USP28: variants seen among roughly 807,000 people sequenced by gnomAD.
USP28 encodes the protein ubiquitin carboxyl-terminal hydrolase 28.
USP28 carries 113 observed loss-of-function variants against 145.0 expected under a neutral mutation model. That is an observed-to-expected ratio of 0.78 (90% CI 0.67 to 0.91). The LOEUF is 0.91. Ranked by LOEUF, USP28 falls within the 40% of genes least tolerant of loss-of-function variation. The pLI is 0.00. For missense variants in USP28, 1,201 were observed against 1,289.6 expected (o/e 0.93, Z 1.05); for synonymous variants, 447 against 450.9 (o/e 0.99, Z 0.11).
At chr11:113,869,022 C>T (rs1490509104) in intron 1 of USP28, among the ~76,000 whole-genome samples, 7 of 151,894 alleles carry the variant, frequency 4.6e-5, no homozygotes, top group African/African-American at 1.7e-4. Flanking sequence ...AGGTCAGGCA[C>T]GGTGGCTCAT....
chr11:113,874,938 T>TG, intron 1 of USP28: 9 of 725,610 alleles, frequency 1.2e-5, no homozygotes, highest in Non-Finnish European at 1.4e-5. Flanking sequence ...AAAGCCGGGT[T>TG]GGGAGGGAGG....
intron 14 of USP28, among the ~76,000 whole-genome samples, chr11:113,814,713 G>A (rs1269446458): frequency 1.3e-5 from 2 of 151,754 alleles, no homozygotes; most frequent in Admixed American, 6.6e-5. Flanking sequence ...AAGTTTACAG[G>A]GCACTAAAAG....
intron 12 of USP28, chr11:113,821,029 G>T: frequency 4.7e-6 from 1 of 212,328 alleles, no homozygotes. Flanking sequence ...CGTTCACTGG[G>T]CAATCAGCCT....
intron 16 of USP28, among the ~76,000 whole-genome samples, chr11:113,810,685 G>A (rs1434390624): frequency 6.6e-6 from 1 of 151,836 alleles, no homozygotes; most frequent in Non-Finnish European, 1.5e-5. Flanking sequence ...TTACATGTTT[G>A]TTTTTTTTGA....
At chr11:113,870,971 G>C (rs1345113555) in intron 1 of USP28, among the ~76,000 whole-genome samples, 1 of 152,220 alleles carries the variant, frequency 6.6e-6, no homozygotes, top group Non-Finnish European at 1.5e-5. Context: ...TAGAGGACAA[G>C]TGCACGGTAA....
chr11:113,830,628 A>G (rs1263327852), intron 9 of USP28, among the ~76,000 whole-genome samples: 1 of 152,194 alleles, frequency 6.6e-6, no homozygotes, highest in Non-Finnish European at 1.5e-5. Context: ...TGGGCTGTGC[A>G]AGTATTAATA....
chr11:113,867,653 A>G (rs1466393962), intron 1 of USP28, among the ~76,000 whole-genome samples: 1 of 152,084 alleles, frequency 6.6e-6, no homozygotes, highest in African/African-American at 2.4e-5. Flanking sequence ...ACTTGTGCCC[A>G]GGATTTTCAA....
In USP28 at chr11:113,872,066, C is replaced by CG. The variant is rs1948871883; in HGVS notation, c.57+3378dup. ...GAATGCTATGTTAAGTTCTGAGCAC[C>CG]GAGTCTGGCACATAGTGCATGCTCA... On this transcript the variant is annotated intron_variant, in intron 1 of 24. Coordinates refer to ENST00000003302, the Ensembl canonical transcript of USP28. 2.0e-5 allele frequency among the ~76,000 whole-genome samples: 3 copies of CG among 152,242 alleles called. No individual in the cohort carries two copies. The South Asian group carries it at 6.2e-4, about 32-fold the overall frequency.
intron 5 of USP28, among the ~76,000 whole-genome samples, chr11:113,835,045 G>GT (rs1447197853): frequency 1.3e-5 from 2 of 152,238 alleles, no homozygotes; most frequent in African/African-American, 4.8e-5. Context: ...ACAGAAATTT[G>GT]TAACATTAAT....
chr11:113,846,361 C>T (rs1945848944), intron 3 of USP28, among the ~76,000 whole-genome samples: 1 of 152,154 alleles, frequency 6.6e-6, no homozygotes, highest in African/African-American at 2.4e-5. Flanking sequence ...TCACATGCTA[C>T]AACATGGATG....
chr11:113,858,303 C>A (rs1175361700), intron 1 of USP28, among the ~76,000 whole-genome samples: 2 of 152,166 alleles, frequency 1.3e-5, no homozygotes, highest in East Asian at 1.9e-4. Context: ...ATTACCTGAT[C>A]CCCCCTTAGC....
intron 2 of USP28, among the ~76,000 whole-genome samples, chr11:113,852,901 G>A (rs1946633689): frequency 6.6e-6 from 1 of 151,914 alleles, no homozygotes; most frequent in South Asian, 2.1e-4. Context: ...CCATTGCTTC[G>A]GATACTACTA....
At chr11:113,868,032 A>G (rs1324956584) in intron 1 of USP28, among the ~76,000 whole-genome samples, 1 of 152,150 alleles carries the variant, frequency 6.6e-6, no homozygotes, top group African/African-American at 2.4e-5. Flanking sequence ...CCCCTGTTTT[A>G]CGTAGAAAGC....
intron 4 of USP28, among the ~76,000 whole-genome samples, 198 bp downstream of exon 4, chr11:113,841,465 A>T (rs1186084138): frequency 6.6e-6 from 1 of 152,256 alleles, no homozygotes; most frequent in Non-Finnish European, 1.5e-5. Flanking sequence ...TCAAAGACAC[A>T]CGATGCAATA....
chr11:113,812,504 C>T (rs770291819), exon 16 of USP28: 2 of 1,613,490 alleles, frequency 1.2e-6, no homozygotes, highest in Non-Finnish European at 1.7e-6. Context: ...CGATAAGGCA[C>T]CTGTAAGTCA....
chr11:113,852,542 G>C (rs755594575), exon 3 of USP28: 2 of 1,614,176 alleles, frequency 1.2e-6, no homozygotes, highest in South Asian at 2.2e-5. Context: ...CTCTACTTCA[G>C]ATGGTTCTGT....
intron 7 of USP28, among the ~76,000 whole-genome samples, 165 bp from the exon 8 acceptor site, chr11:113,832,158 G>A (rs1941201287): frequency 6.6e-6 from 1 of 152,020 alleles, no homozygotes. Context: ...CGCCCAGACT[G>A]GAGTGCAGTG....
intron 18 of USP28, among the ~76,000 whole-genome samples, chr11:113,807,680 C>T (rs1028707323): frequency 1.3e-5 from 2 of 152,042 alleles, no homozygotes; most frequent in African/African-American, 4.8e-5. Flanking sequence ...AAAAAGGGAA[C>T]TTAATTTTAC....
chr11:113,837,714 C>T (rs1461550400), intron 5 of USP28, among the ~76,000 whole-genome samples: 1 of 152,208 alleles, frequency 6.6e-6, no homozygotes, highest in Admixed American at 6.5e-5. Flanking sequence ...ATCACATACC[C>T]AGCAAATGCT....
Sources: gnomAD v4.1 joint callset for allele counts (sites outside exome capture counted in the v4.1 genomes callset) on GRCh38, gnomAD v4.1.1 for gene constraint, MANE v1.5 for transcripts, NCBI Gene and HGNC (gene_info 2026-07-23, HGNC 2026-07-21) for gene names.